PDE4D: variants seen among roughly 807,000 people sequenced by gnomAD.
PDE4D encodes the protein phosphodiesterase 4D, also known as 3',5'-cyclic-AMP phosphodiesterase 4D.
Under a neutral mutation model 87.4 loss-of-function variants are expected in PDE4D, and 24 were observed. The observed-to-expected ratio is 0.27, with a 90% CI of 0.20 to 0.39. The LOEUF (loss-of-function observed/expected upper bound fraction) is 0.39. PDE4D is among the 10% of genes least tolerant of loss of function. The probability of loss-of-function intolerance (pLI) is 1.00; values close to 1 mark genes in which losing one functional copy is unlikely to be tolerated. For missense variants in PDE4D, 714 were observed against 1,041.0 expected, an observed-to-expected ratio of 0.69 and a Z score of 4.32; for synonymous variants, 384 against 383.2, an observed-to-expected ratio of 1.00 and a Z score of -0.02.
chr5:59,611,979 C>G (rs1320334496), intron 1 of PDE4D, among the ~76,000 whole-genome samples: 1 of 152,162 alleles, frequency 6.6e-6, no homozygotes, highest in Non-Finnish European at 1.5e-5. Flanking sequence ...AGCTTCTGCT[C>G]TCTTATTTTA....
chr5:59,661,803 G>A (rs1330843539), intron 1 of PDE4D, among the ~76,000 whole-genome samples: 1 of 152,222 alleles, frequency 6.6e-6, no homozygotes, highest in East Asian at 1.9e-4. Flanking sequence ...AGGAAAGAAA[G>A]TATAAATGAG....
chr5:59,718,451 C>A (rs1387248483), intron 1 of PDE4D, among the ~76,000 whole-genome samples: 7 of 152,176 alleles, frequency 4.6e-5, no homozygotes, highest in African/African-American at 1.7e-4. Context: ...CTCTCCTAAA[C>A]AGACATTTGC....
At chr5:60,498,935 C>G (rs1749943300) in intron 1 of PDE4D, among the ~76,000 whole-genome samples, 1 of 152,140 alleles carries the variant, frequency 6.6e-6, no homozygotes, top group Admixed American at 6.5e-5. Flanking sequence ...GGATGAGTGG[C>G]CCCACATTCA....
At chr5:60,397,106 T>C (rs1027755637) in intron 1 of PDE4D, among the ~76,000 whole-genome samples, 7 of 152,220 alleles carry the variant, frequency 4.6e-5, no homozygotes, top group African/African-American at 1.7e-4. Flanking sequence ...TCACCTCATA[T>C]CTGTTAAAAC....
intron 1 of PDE4D, among the ~76,000 whole-genome samples, chr5:59,587,986 T>C (rs1285048190): frequency 1.3e-5 from 2 of 151,982 alleles, no homozygotes; most frequent in African/African-American, 4.8e-5. Flanking sequence ...GTTTGGTGGA[T>C]TTCACTCCTT....
chr5:60,230,580 CT>C (rs1370914556), intron 1 of PDE4D, among the ~76,000 whole-genome samples: 4 of 152,104 alleles, frequency 2.6e-5, no homozygotes, highest in Non-Finnish European at 5.9e-5. Context: ...CTGATTTTAA[CT>C]GAGGTTGACA....
At chr5:60,205,525 A>G (rs1742398481) in intron 1 of PDE4D, among the ~76,000 whole-genome samples, 1 of 152,170 alleles carries the variant, frequency 6.6e-6, no homozygotes, top group South Asian at 2.1e-4. Flanking sequence ...GACACTAAAG[A>G]GAAAGCTTCT....
intron 1 of PDE4D, among the ~76,000 whole-genome samples, chr5:59,842,100 C>T (rs896131459): frequency 6.6e-6 from 1 of 152,016 alleles, no homozygotes; most frequent in Non-Finnish European, 1.5e-5. Context: ...AGTGATCACC[C>T]TGGTTTCCAG....
intron 1 of PDE4D, among the ~76,000 whole-genome samples, chr5:60,405,860 CAT>C (rs747346823): frequency 3.2e-4 from 48 of 152,232 alleles, no homozygotes; most frequent in Admixed American, 1.8e-3. Flanking sequence ...AAAGGAAAAA[CAT>C]AGAACGTGGA....
intron 2 of PDE4D, among the ~76,000 whole-genome samples, chr5:60,119,237 C>T (rs1022359081): frequency 1.3e-5 from 2 of 152,140 alleles, no homozygotes; most frequent in African/African-American, 2.4e-5. Flanking sequence ...CCTTGGTTAA[C>T]GTTCATATGA....
chr5:59,791,097 A>G lies in PDE4D; in HGVS notation c.455+102071T>C, dbSNP rs746923087. 8.5e-5 allele frequency among the ~76,000 whole-genome samples: 13 copies of G among 152,346 alleles called. No individual in the cohort carries two copies. In the South Asian group the frequency reaches 2.5e-3, roughly 29 times the overall value. On this transcript the variant is annotated intron_variant, in intron 1 of 14. Transcript: ENST00000340635. ...CCTGACAGTACGTCCAGCATCACAG[A>G]AAAATCTGCCATGGCATTTTATATT...
chr5:60,269,439 T>C lies in PDE4D; in HGVS notation c.-89-83752A>G, dbSNP rs1750590503. Among the ~76,000 whole-genome samples the C allele has an allele frequency of 2.0e-5, 3 of 152,374 alleles. No individual in the cohort carries two copies. The South Asian group carries it at 6.2e-4, about 32-fold the overall frequency. On this transcript the variant is annotated intron_variant, in intron 1 of 16. Coordinates refer to the PDE4D transcript ENST00000502484. ...CAACTTTAATGGTCACATTTTATCA[T>C]AGGGATTTAATTACATTTTATCTAA... is the stretch of plus-strand genomic sequence containing the variant.
intron 1 of PDE4D, among the ~76,000 whole-genome samples, chr5:59,673,111 G>C (rs1747488349): frequency 6.6e-6 from 1 of 152,178 alleles, no homozygotes; most frequent in Admixed American, 6.5e-5. Context: ...CTTTGATCAG[G>C]AAGTTTAAAT....
intron 1 of PDE4D, among the ~76,000 whole-genome samples, chr5:59,695,216 G>A (rs921324809): frequency 1.7e-4 from 26 of 149,188 alleles, no homozygotes; most frequent in African/African-American, 5.7e-4. Flanking sequence ...AAAAAATATC[G>A]AGTCAAGGAG....
chr5:59,480,115 T>TATAGGC (rs1388596000), intron 1 of PDE4D, among the ~76,000 whole-genome samples: 6 of 152,044 alleles, frequency 3.9e-5, no homozygotes, highest in Non-Finnish European at 7.4e-5. Flanking sequence ...TGAAAAATTT[T>TATAGGC]ATAGGCATGA....
intron 1 of PDE4D, among the ~76,000 whole-genome samples, chr5:59,295,319 T>C (rs1217326586): frequency 2.6e-5 from 4 of 152,126 alleles, no homozygotes; most frequent in Non-Finnish European, 4.4e-5. Flanking sequence ...CCAGGAAAAA[T>C]ATGAGGGAAA....
At chr5:59,307,738 T>C (rs939752913) in intron 1 of PDE4D, among the ~76,000 whole-genome samples, 5 of 151,872 alleles carry the variant, frequency 3.3e-5, no homozygotes, top group Non-Finnish European at 5.9e-5. Flanking sequence ...TGTGGAGAAA[T>C]AGGAATACTT....
intron 1 of PDE4D, among the ~76,000 whole-genome samples, chr5:60,280,339 C>CAT (rs1402247855): frequency 2.1e-5 from 3 of 140,960 alleles, no homozygotes; most frequent in African/African-American, 8.3e-5. Flanking sequence ...TATATATACA[C>CAT]ACATATATAT....
intron 1 of PDE4D, among the ~76,000 whole-genome samples, chr5:60,351,003 A>T (rs1759137678): frequency 6.6e-6 from 1 of 152,162 alleles, no homozygotes; most frequent in Non-Finnish European, 1.5e-5. Flanking sequence ...AAACTACAAC[A>T]AGCAGATAAA....
Sources: gnomAD v4.1 joint callset for allele counts (sites outside exome capture counted in the v4.1 genomes callset) on GRCh38, gnomAD v4.1.1 for gene constraint, MANE v1.5 for transcripts, NCBI Gene and HGNC (gene_info 2026-07-23, HGNC 2026-07-21) for gene names.